Variants in CADPS observed in about 807,000 individuals in gnomAD.
The protein encoded by CADPS is calcium dependent secretion activator, also known as calcium-dependent secretion activator 1.
Under a neutral mutation model 167.3 loss-of-function variants are expected in CADPS, and 57 were observed. The observed-to-expected ratio is 0.34, with a 90% CI of 0.28 to 0.42. CADPS has a LOEUF of 0.42. CADPS is among the 20% of genes least tolerant of loss of function. The pLI is 1.00. For synonymous variants in CADPS, 676 were observed against 635.3 expected (o/e 1.06, Z -0.96); for missense variants, 1,414 against 1,738.1 (o/e 0.81, Z 3.32).
chr3:62,736,458 C>T (rs922695543), intron 3 of CADPS, among the ~76,000 whole-genome samples: 5 of 152,176 alleles, frequency 3.3e-5, no homozygotes, highest in African/African-American at 9.7e-5. Context: ...AAACAATCAT[C>T]TGGGGCAGTT....
rs931234659 is a variant in CADPS, at chr3:62,703,600, T to C, written c.889-41206A>G. ...TAGTGGCAAGTTGAAGAGAAAAATC[T>C]TAGAAGTGACATGCCCTGAGGAGGG... On this transcript the variant is annotated intron_variant, in intron 3 of 29. Coordinates refer to ENST00000383710, the MANE Select transcript of CADPS (RefSeq NM_003716.4). Among the ~76,000 whole-genome samples, 6 of 152,104 alleles carry C rather than the reference T, an allele frequency of 3.9e-5. 1 individual carries two copies. The highest frequency in any genetic ancestry group is 1.4e-4 in the African/African-American group (6 of 41,392).
At chr3:62,721,052 C>T (rs553400423) in intron 3 of CADPS, among the ~76,000 whole-genome samples, 4 of 149,042 alleles carry the variant, frequency 2.7e-5, no homozygotes, top group South Asian at 2.1e-4. Flanking sequence ...CTCCTGACCT[C>T]GTGATCTGCC....
rs2051040222 is a variant in CADPS at position 62,420,394 on chromosome 3, G to A, written c.3778-17209C>T. On this transcript the variant is annotated intron_variant, in intron 28 of 29. Transcript: ENST00000383710. The surrounding 1 kb of genome is among the most constrained non-coding windows in gnomAD (Gnocchi z 4.1). ...TTAGGAGCTGGATATGGCATTGAGT[G>A]GTTTCCAAAAAGCAGTCAACATACA... 6.6e-6 allele frequency among the ~76,000 whole-genome samples: 1 copy of A among 152,188 alleles called. No homozygotes were observed. The highest frequency in any genetic ancestry group is 2.1e-4 in the South Asian group (1 of 4,834).
intron 3 of CADPS, among the ~76,000 whole-genome samples, chr3:62,701,817 T>C (rs1283432715): frequency 6.6e-6 from 1 of 152,092 alleles, no homozygotes; most frequent in East Asian, 1.9e-4. Context: ...TATCCATAGA[T>C]CTGTGAAAGG....
intron 1 of CADPS, among the ~76,000 whole-genome samples, chr3:62,805,785 G>C (rs1445444818): frequency 1.3e-5 from 2 of 152,152 alleles, no homozygotes; most frequent in African/African-American, 2.4e-5. Context: ...CAGCTAATGA[G>C]AGGCACCAGC....
At chr3:62,440,352 C>A (rs574525638) in intron 27 of CADPS, 2 of 152,126 alleles carry the variant, frequency 1.3e-5, no homozygotes, top group African/African-American at 2.4e-5. Flanking sequence ...CTTCTCTGGG[C>A]CTTAGTTATG....
chr3:62,408,164 TG>T (rs1361720933), intron 28 of CADPS, among the ~76,000 whole-genome samples: 9 of 152,348 alleles, frequency 5.9e-5, no homozygotes, highest in African/African-American at 1.9e-4. Context: ...ACTGACTTCA[TG>T]TAGAGAAATC....
intron 2 of CADPS, among the ~76,000 whole-genome samples, chr3:62,757,785 A>G (rs1321351670): frequency 1.3e-5 from 2 of 152,208 alleles, no homozygotes; most frequent in Non-Finnish European, 2.9e-5. Context: ...ACAGTTCCAC[A>G]TGGCTGGGGA....
At chr3:62,731,613 A>G (rs1403506445) in intron 3 of CADPS, among the ~76,000 whole-genome samples, 1 of 151,986 alleles carries the variant, frequency 6.6e-6, no homozygotes, top group East Asian at 1.9e-4. Flanking sequence ...AAGCCATCAC[A>G]AGTACTAGCT....
At chr3:62,800,558 A>T (rs1208197796) in intron 1 of CADPS, among the ~76,000 whole-genome samples, 1 of 152,162 alleles carries the variant, frequency 6.6e-6, no homozygotes, top group African/African-American at 2.4e-5. Context: ...GTGAGTTAAC[A>T]TGACTTATTA....
chr3:62,734,078 G>A (rs1435706060), intron 3 of CADPS, among the ~76,000 whole-genome samples: 2 of 152,104 alleles, frequency 1.3e-5, no homozygotes, highest in Non-Finnish European at 2.9e-5. Flanking sequence ...TTGCAGTTGT[G>A]AATTTTGCTG....
At chr3:62,594,607 A>G (rs545320631) in intron 6 of CADPS, among the ~76,000 whole-genome samples, 1 of 152,290 alleles carries the variant, frequency 6.6e-6, no homozygotes, top group African/African-American at 2.4e-5. Context: ...TCTGTTGTCC[A>G]AGCTGGTCTC....
chr3:62,664,616 CATATGCAAATG>C (rs1419955112), intron 3 of CADPS, among the ~76,000 whole-genome samples: 2 of 152,230 alleles, frequency 1.3e-5, no homozygotes, highest in Non-Finnish European at 2.9e-5. Flanking sequence ...GTTCAAAATA[CATATGCAAATG>C]AAACATTCAA....
chr3:62,622,361 T>G (rs1246571426), intron 6 of CADPS, among the ~76,000 whole-genome samples: 1 of 152,122 alleles, frequency 6.6e-6, no homozygotes, highest in East Asian at 1.9e-4. Flanking sequence ...AACATAGCAT[T>G]GTTACTTGTT....
chr3:62,741,734 C>T (rs1269656912), intron 3 of CADPS, among the ~76,000 whole-genome samples: 6 of 152,148 alleles, frequency 3.9e-5, no homozygotes, highest in African/African-American at 1.2e-4. Context: ...TGCCCTCTCT[C>T]GCCACTTCTA....
chr3:62,560,368 T>C (rs930610612), intron 9 of CADPS, among the ~76,000 whole-genome samples: 3 of 152,204 alleles, frequency 2.0e-5, no homozygotes, highest in Non-Finnish European at 4.4e-5. Flanking sequence ...CGTAGTAGAA[T>C]TCTTTTAAAA....
At position 62,754,333 on chromosome 3, in the gene CADPS, CTATT is replaced by C. The variant is rs532740788; in HGVS notation, c.556-564_556-561del. 5.5e-3 allele frequency among the ~76,000 whole-genome samples: 838 copies of C among 151,956 alleles called. 11 individuals carry two copies. The highest frequency in any genetic ancestry group is 7.6e-3 in the Non-Finnish European group (517 of 67,974). Reference sequence around the variant, plus strand: ...ACTAAGTGCATGCCACCACACCTGGCTATTTATTTATTTATTTATTTATTTTGTA... The same window carrying C: ...ACTAAGTGCATGCCACCACACCTGGCTATTTATTTATTTATTTATTTTGTA... On this transcript the variant is annotated intron_variant, in intron 2 of 29. Transcript: ENST00000383710.
At position 62,594,126 on chromosome 3, in the gene CADPS, TTTTATTTTTTTTA is replaced by T. The variant is rs1266788330; in HGVS notation, c.1326-1391_1326-1379del. Among the ~76,000 whole-genome samples, 9 of 150,278 alleles carry T rather than the reference TTTTATTTTTTTTA, an allele frequency of 6.0e-5. No individual in the cohort carries two copies. The East Asian group carries it at 1.2e-3, about 20-fold the overall frequency. ...ACTTTAAAATGCTCATTATGATTTT[TTTTATTTTTTTTA>T]TTTATTTTTTTTATTTTTTTTATTT... On this transcript the variant is annotated intron_variant, in intron 6 of 29. Coordinates refer to ENST00000383710, the MANE Select transcript of CADPS (RefSeq NM_003716.4).
intron 6 of CADPS, among the ~76,000 whole-genome samples, chr3:62,593,486 T>C (rs2086540875): frequency 6.6e-6 from 1 of 152,162 alleles, no homozygotes; most frequent in Non-Finnish European, 1.5e-5. Context: ...AGAGAATTCA[T>C]CTCTATCCAT....
Sources: allele counts gnomAD v4.1 joint callset (sites outside exome capture counted in the v4.1 genomes callset), GRCh38; gene constraint gnomAD v4.1.1; non-coding constraint Gnocchi (gnomAD v3.1); transcripts MANE v1.5; gene names NCBI Gene and HGNC (gene_info 2026-07-23, HGNC 2026-07-21).